PRMT3: variants seen among roughly 807,000 people sequenced by gnomAD.
PRMT3 encodes the protein protein arginine methyltransferase 3.
PRMT3 carries 62 observed loss-of-function variants against 71.9 expected under a neutral mutation model. The ratio of observed to expected loss-of-function variants is 0.86; its 90% CI spans 0.70 to 1.07. The LOEUF (loss-of-function observed/expected upper bound fraction) is 1.07. Among genes scored for constraint, PRMT3 ranks in the 50% least tolerant of loss-of-function variants. The pLI is 0.00. For missense variants in PRMT3, 663 were observed against 643.0 expected (o/e 1.03, Z -0.34); for synonymous variants, 213 against 220.4 (o/e 0.97, Z 0.30).
intron 15 of PRMT3, among the ~76,000 whole-genome samples, chr11:20,498,906 G>A (rs1248069773): frequency 6.6e-6 from 1 of 152,128 alleles, no homozygotes; most frequent in African/African-American, 2.4e-5. Context: ...ATTTTCAGCA[G>A]ACTGGAAATA....
intron 15 of PRMT3, among the ~76,000 whole-genome samples, chr11:20,507,777 T>TA (rs572836588): frequency 0.02 from 1,251 of 63,688 alleles, 21 homozygotes; most frequent in African/African-American, 0.044. Context: ...GAGACTGTCT[T>TA]AAAAAAAAAA....
chr11:20,468,495 A>G (rs1565225539), intron 13 of PRMT3, among the ~76,000 whole-genome samples: 1 of 152,018 alleles, frequency 6.6e-6, no homozygotes, highest in Non-Finnish European at 1.5e-5. Flanking sequence ...CAGCCTCCCT[A>G]GTAGCTGGGA....
chr11:20,469,232 T>G (rs962785320), intron 13 of PRMT3, among the ~76,000 whole-genome samples: 1 of 152,174 alleles, frequency 6.6e-6, no homozygotes, highest in Non-Finnish European at 1.5e-5. Context: ...GTGGAAAGTT[T>G]ATAGGTGTTC....
intron 13 of PRMT3, among the ~76,000 whole-genome samples, chr11:20,482,883 T>G (rs1850974992): frequency 2.0e-5 from 3 of 151,854 alleles, no homozygotes; most frequent in Non-Finnish European, 4.4e-5. Context: ...AAATTTGATA[T>G]ATATACCAGA....
At chr11:20,490,703 A>G (rs1458928806) in intron 13 of PRMT3, among the ~76,000 whole-genome samples, 1 of 152,226 alleles carries the variant, frequency 6.6e-6, no homozygotes, top group Non-Finnish European at 1.5e-5. Flanking sequence ...CAGTTATAGA[A>G]GTATAATTAC....
chr11:20,464,382 T>G, intron 12 of PRMT3, 78 bp from the exon 13 acceptor site: 1 of 1,480,480 alleles, frequency 6.8e-7, no homozygotes, highest in Non-Finnish European at 9.0e-7. Context: ...TTGTCTGGGT[T>G]GTTTTTGTTT....
chr11:20,481,997 C>T (rs1026069501), intron 13 of PRMT3, among the ~76,000 whole-genome samples: 8 of 151,910 alleles, frequency 5.3e-5, no homozygotes, highest in Admixed American at 2.0e-4. Context: ...GGTATATGTT[C>T]GTTGCCTAGA....
intron 10 of PRMT3, among the ~76,000 whole-genome samples, chr11:20,443,900 A>G (rs1420195772): frequency 6.6e-6 from 1 of 152,232 alleles, no homozygotes; most frequent in Non-Finnish European, 1.5e-5. Context: ...GTTCTCCAGA[A>G]GTCCACAATA....
intron 13 of PRMT3, among the ~76,000 whole-genome samples, chr11:20,480,140 G>A (rs1428276944): frequency 6.6e-6 from 1 of 152,152 alleles, no homozygotes; most frequent in Non-Finnish European, 1.5e-5. Context: ...CATCAGAATA[G>A]TGGTTACAAT....
Position 20,493,902 on chromosome 11 carries a change from CTTTT to C in PRMT3, c.1348-13_1348-10del. ...ATTCATTTAGTAAGCATTTATATTT[CTTTT>C]TTTAAAAAACAGGCAATTGCTGGCT... On this transcript the variant is annotated splice_polypyrimidine_tract_variant and intron_variant, in intron 13 of 15. Coordinates refer to ENST00000331079, the MANE Select transcript of PRMT3 (RefSeq NM_005788.4). The C allele has an allele frequency of 6.5e-7, 1 of 1,529,094 alleles. No homozygotes were observed. Among genetic ancestry groups the C allele is most frequent in the Non-Finnish European group, 9.0e-7 (1 of 1,112,506 alleles). The allele number at this position is 1,529,094 out of a possible 1,614,324, so 94.7% of individuals were successfully genotyped here.
At chr11:20,404,233 T>TGTTTTGTTTTGTTTTG (rs1849020156) in intron 8 of PRMT3, among the ~76,000 whole-genome samples, 3 of 109,736 alleles carry the variant, frequency 2.7e-5, no homozygotes, top group Admixed American at 1.0e-4. Context: ...TTTTTTTTTT[T>TGTTTTGTTTTGTTTTG]TTTTTTTTTT....
intron 13 of PRMT3, among the ~76,000 whole-genome samples, chr11:20,466,221 A>C (rs986113910): frequency 3.3e-5 from 5 of 152,228 alleles, no homozygotes; most frequent in African/African-American, 4.8e-5. Flanking sequence ...GTTAGAGGGA[A>C]TACAATAGTT....
chr11:20,409,172 A>G (rs1441932947), intron 9 of PRMT3, among the ~76,000 whole-genome samples: 1 of 152,186 alleles, frequency 6.6e-6, no homozygotes, highest in Non-Finnish European at 1.5e-5. Flanking sequence ...ATTATATAAA[A>G]TATTTAAATT....
rs147992889 is a variant in PRMT3, at chr11:20,463,174, A to G, written c.1260+1007A>G. 7.7e-4 allele frequency among the ~76,000 whole-genome samples: 118 copies of G among 152,320 alleles called. 1 individual carries two copies. The East Asian group carries it at 0.022, about 28-fold the overall frequency. On this transcript the variant is annotated intron_variant, in intron 12 of 15. Transcript: ENST00000331079. ...ACGCTGTTACTTTCATATAGCATCA[A>G]TATTTCTTCTCTGTACAAAGCAGAT... is the stretch of plus-strand genomic sequence containing the variant.
At chr11:20,440,900 T>C (rs1849879331) in intron 10 of PRMT3, among the ~76,000 whole-genome samples, 1 of 152,158 alleles carries the variant, frequency 6.6e-6, no homozygotes, top group Admixed American at 6.5e-5. Context: ...GAGCAAAAGT[T>C]TTTAATATTG....
intron 13 of PRMT3, among the ~76,000 whole-genome samples, chr11:20,484,797 A>G (rs1851032110): frequency 6.6e-6 from 1 of 152,216 alleles, no homozygotes; most frequent in African/African-American, 2.4e-5. Flanking sequence ...TAAGCCACAT[A>G]AAATGGAGAA....
intron 9 of PRMT3, among the ~76,000 whole-genome samples, chr11:20,424,039 C>G (rs994425090): frequency 6.6e-6 from 1 of 151,662 alleles, no homozygotes; most frequent in Non-Finnish European, 1.5e-5. Context: ...AAAAAATTAG[C>G]TGGGTGTGGT....
At chr11:20,398,026 A>AAG (rs940194329) in intron 7 of PRMT3, among the ~76,000 whole-genome samples, 1 of 151,448 alleles carries the variant, frequency 6.6e-6, no homozygotes, top group African/African-American at 2.4e-5. Context: ...AAAAAAAAAA[A>AAG]AAAAAAAGAT....
chr11:20,419,549 A>G (rs182463186), intron 9 of PRMT3, among the ~76,000 whole-genome samples: 1 of 152,296 alleles, frequency 6.6e-6, no homozygotes, highest in African/African-American at 2.4e-5. Flanking sequence ...TGAGTTGAGT[A>G]AGGAATCTGT....
Sources: gnomAD v4.1 joint callset for allele counts (sites outside exome capture counted in the v4.1 genomes callset) on GRCh38, gnomAD v4.1.1 for gene constraint, MANE v1.5 for transcripts, NCBI Gene and HGNC (gene_info 2026-07-23, HGNC 2026-07-21) for gene names.